The following TG variants were observed in gnomAD, a reference collection of about 807,000 sequenced individuals.
TG encodes the protein thyroid hormones.
A neutral mutation model predicts 324.7 loss-of-function variants in TG; 270 were observed. The observed-to-expected ratio is 0.83, with a 90% CI of 0.75 to 0.92. The LOEUF is 0.92. TG is among the 40% of genes least tolerant of loss of function. The pLI is 0.00. For missense variants in TG, 3,591 were observed against 3,456.4 expected, an observed-to-expected ratio of 1.04 and a Z score of -0.98; for synonymous variants, 1,401 against 1,327.0, an observed-to-expected ratio of 1.06 and a Z score of -1.21.
chr8:133,107,778 G>A lies in TG; in HGVS notation c.7573-5644G>A, dbSNP rs150136566. On this transcript the variant is annotated intron_variant, in intron 43 of 47. Transcript: ENST00000220616. The stretch of plus-strand genomic sequence containing the variant: ...GTGGAACTCTAATCTCAGTCTCATG[G>A]GAGCATAAACTGGGCCTCATCCCTC... 3.3e-5 allele frequency among the ~76,000 whole-genome samples: 5 copies of A among 152,206 alleles called. No individual in the cohort carries two copies. The East Asian group carries it at 9.7e-4, about 29-fold the overall frequency.
chr8:133,045,509 C>G (rs921785074), intron 41 of TG, among the ~76,000 whole-genome samples: 1 of 151,090 alleles, frequency 6.6e-6, no homozygotes, highest in Non-Finnish European at 1.5e-5. Context: ...ATCCTCCCAC[C>G]TCAGCCTCCA....
intron 18 of TG, 75 bp downstream of exon 18, chr8:132,908,415 C>A: frequency 1.5e-6 from 2 of 1,292,978 alleles, no homozygotes; most frequent in South Asian, 1.3e-5. Context: ...CCTGAGGGCT[C>A]ACATTAACAC....
intron 43 of TG, among the ~76,000 whole-genome samples, chr8:133,108,270 G>A (rs1849991068): frequency 6.6e-6 from 1 of 152,010 alleles, no homozygotes; most frequent in Non-Finnish European, 1.5e-5. Context: ...ACAGGTGTGA[G>A]CCACCACGCC....
chr8:133,083,704 A>G (rs1218949906), intron 41 of TG, among the ~76,000 whole-genome samples: 6 of 152,198 alleles, frequency 3.9e-5, no homozygotes, highest in African/African-American at 1.2e-4. Context: ...TCTCTTTAAA[A>G]TAATAATAAT....
chr8:132,994,830 G>A lies in TG; in HGVS notation c.6262+11418G>A, dbSNP rs1407562099. ...GTGAGATGGGGAAAGAGGAGAGAAG[G>A]GGCTGGGTCAGATGATGGAAAGCAT... On this transcript the variant is annotated intron_variant, in intron 35 of 47. Transcript: ENST00000220616. 5.5e-6 allele frequency: 7 copies of A among 1,280,214 alleles called. No homozygotes were observed. The Admixed American group carries it at 1.6e-4, about 30-fold the overall frequency. The allele number at this position is 1,280,214 out of a possible 1,614,324, so 79.3% of individuals were successfully genotyped here.
Position 132,893,842 on chromosome 8 carries a change from C to T in TG, c.2914C>T (p.Leu972Phe), listed in dbSNP as rs1382489496. The T allele has an allele frequency of 2.5e-6, 4 of 1,613,986 alleles. No homozygotes were observed. The highest frequency in any genetic ancestry group is 1.7e-5 in the Admixed American group (1 of 60,020). ...GIRLRNEDLG[L>F]PPLFPPREAF... ...CCGGCTGAGGAATGAGGACCTCGGC[C>T]TTCCTCCGCTCTTCCCGCCCCGGGA... Residue 972 changes from leucine to phenylalanine, a missense_variant, in exon 11 of 48, where the codon CTT becomes TTT. Physicochemically the swap from Leu to Phe is conservative, Grantham distance 22. Transcript: ENST00000220616.
rs1304772187 is a variant in TG, at chr8:133,077,762, TG to T, written c.7240-17281del. 9.9e-5 allele frequency among the ~76,000 whole-genome samples: 15 copies of T among 151,472 alleles called. 1 individual carries two copies. In the South Asian group the frequency reaches 2.9e-3, roughly 29 times the overall value. On this transcript the variant is annotated intron_variant, in intron 41 of 47. Coordinates refer to ENST00000220616, the MANE Select transcript of TG (RefSeq NM_003235.5). ...GTGTGTGTGTGTGTGTGTGTGTGTG[TG>T]TGTTTGTATGTGTGTGTGTGCGGCA...
chr8:132,971,955 A>AAG, intron 33 of TG, 82 bp downstream of exon 33: 1 of 979,304 alleles, frequency 1.0e-6, no homozygotes, highest in Non-Finnish European at 1.6e-6. Flanking sequence ...GCTTTTACAA[A>AAG]TCCTCAGCAT....
intron 38 of TG, 36 bp downstream of exon 38, chr8:133,018,033 C>T (rs1027744411): frequency 4.4e-6 from 7 of 1,596,818 alleles, no homozygotes; most frequent in South Asian, 3.3e-5. Context: ...GGTAAATGCT[C>T]AGAGAAATCT....
intron 35 of TG, among the ~76,000 whole-genome samples, chr8:133,006,102 A>G (rs747248295): frequency 3.9e-5 from 6 of 152,250 alleles, no homozygotes; most frequent in Non-Finnish European, 7.3e-5. Context: ...ATTAGAGATC[A>G]TGAACAAGGG....
intron 22 of TG, among the ~76,000 whole-genome samples, chr8:132,924,980 T>G (rs1322156642): frequency 6.6e-6 from 1 of 152,196 alleles, no homozygotes; most frequent in Non-Finnish European, 1.5e-5. Flanking sequence ...CACCTTTCCC[T>G]GGAGCCACCT....
chr8:133,072,734 C>T (rs1844253390), intron 41 of TG, among the ~76,000 whole-genome samples: 1 of 152,188 alleles, frequency 6.6e-6, no homozygotes, highest in Non-Finnish European at 1.5e-5. Flanking sequence ...AAATACATTG[C>T]CAGATTTCAC....
intron 45 of TG, among the ~76,000 whole-genome samples, chr8:133,125,919 T>C (rs1188247440): frequency 6.6e-6 from 1 of 152,342 alleles, no homozygotes; most frequent in East Asian, 1.9e-4. Context: ...ATAGAAAATA[T>C]ATATAATGCA....
At chr8:133,068,954 C>T (rs1843530389) in intron 41 of TG, among the ~76,000 whole-genome samples, 2 of 152,252 alleles carry the variant, frequency 1.3e-5, no homozygotes, top group Admixed American at 1.3e-4. Context: ...TCCTGGATAC[C>T]TCTAGATCAT....
chr8:133,056,959 G>C (rs2131293219), intron 41 of TG, among the ~76,000 whole-genome samples: 1 of 152,258 alleles, frequency 6.6e-6, no homozygotes, highest in Non-Finnish European at 1.5e-5. Context: ...GCCTGGGGTG[G>C]GACCCAGGAA....
intron 10 of TG, among the ~76,000 whole-genome samples, chr8:132,890,504 T>G (rs1311333696): frequency 6.6e-6 from 1 of 152,298 alleles, no homozygotes; most frequent in East Asian, 1.9e-4. Context: ...AAAACCTGCA[T>G]TTCTACAATA....
At chr8:132,898,081 T>G in intron 12 of TG, 88 bp from the exon 13 acceptor site, 1 of 1,293,976 alleles carries the variant, frequency 7.7e-7, no homozygotes, top group Non-Finnish European at 1.1e-6. Flanking sequence ...TGCACTGCTA[T>G]GAGTGAAGAA....
chr8:132,947,656 G>A (rs1825514969), intron 26 of TG, among the ~76,000 whole-genome samples: 2 of 151,200 alleles, frequency 1.3e-5, no homozygotes, highest in Admixed American at 6.6e-5. Flanking sequence ...TTTTCCAGGA[G>A]AGTCTGAACA....
chr8:133,076,759 T>TTTA, intron 41 of TG: 1 of 128,424 alleles, frequency 7.8e-6, no homozygotes, highest in East Asian at 2.4e-4. Context: ...GATTTAGCTG[T>TTTA]AAAAAAAAAA....
Sources: allele counts gnomAD v4.1 joint callset (sites outside exome capture counted in the v4.1 genomes callset), GRCh38; gene constraint gnomAD v4.1.1; transcripts MANE v1.5; gene names NCBI Gene and HGNC (gene_info 2026-07-23, HGNC 2026-07-21).